The following DRICH1 variants were observed in gnomAD, a reference collection of about 807,000 sequenced individuals.
DRICH1 encodes aspartate-rich protein 1.
Under a neutral mutation model 39.5 loss-of-function variants are expected in DRICH1, and 38 were observed. The observed-to-expected ratio is 0.96, with a 90% CI of 0.74 to 1.26. The LOEUF (loss-of-function observed/expected upper bound fraction) is 1.26, where lower values mean the gene tolerates loss of function less well. DRICH1 is among the 50% of genes most tolerant of loss of function. The probability of loss-of-function intolerance (pLI) is 0.00; values close to 1 mark genes in which losing one functional copy is unlikely to be tolerated. For missense variants in DRICH1, 279 were observed against 270.4 expected, an observed-to-expected ratio of 1.03 and a Z score of -0.22; for synonymous variants, 84 against 99.5, an observed-to-expected ratio of 0.84 and a Z score of 0.93.
At chr22:23,585,356 C>G in the DRICH1 span, among the ~76,000 whole-genome samples, 1 of 152,044 alleles carries the variant, frequency 6.6e-6, no homozygotes, top group Non-Finnish European at 1.5e-5. Flanking sequence ...TCAGGCTGGT[C>G]TCAAGCTCCT....
chr22:23,616,613 G>GT (rs1459490576), intron 8 of DRICH1, among the ~76,000 whole-genome samples: 1 of 152,166 alleles, frequency 6.6e-6, no homozygotes, highest in African/African-American at 2.4e-5. Context: ...GGATAAGTCA[G>GT]TGAGAGGTGC....
chr22:23,594,233 T>C, the DRICH1 span, among the ~76,000 whole-genome samples: 1 of 151,952 alleles, frequency 6.6e-6, no homozygotes, highest in Non-Finnish European at 1.5e-5. Context: ...ATCATCAAAC[T>C]GGCAAGTGAC....
the DRICH1 span, among the ~76,000 whole-genome samples, chr22:23,603,137 T>C: frequency 6.6e-6 from 1 of 151,664 alleles, no homozygotes; most frequent in Admixed American, 6.6e-5. Context: ...TCCCACACAT[T>C]AAGAATTTTT....
At chr22:23,598,865 T>C in the DRICH1 span, among the ~76,000 whole-genome samples, 3 of 152,212 alleles carry the variant, frequency 2.0e-5, no homozygotes, top group Admixed American at 6.5e-5. Context: ...CGATGTGAGC[T>C]TGGGCAGGCC....
At chr22:23,590,964 T>C in the DRICH1 span, among the ~76,000 whole-genome samples, 1 of 152,150 alleles carries the variant, frequency 6.6e-6, no homozygotes, top group Admixed American at 6.5e-5. Context: ...TGCGCTTTTG[T>C]TCCATATCTG....
the DRICH1 span, among the ~76,000 whole-genome samples, chr22:23,589,190 C>T: frequency 1.3e-5 from 2 of 151,912 alleles, no homozygotes; most frequent in Admixed American, 1.3e-4. Flanking sequence ...GTGGCTCATG[C>T]CTATAATCCC....
intron 4 of DRICH1, among the ~76,000 whole-genome samples, chr22:23,621,057 T>A (rs1927697438): frequency 6.6e-6 from 1 of 152,130 alleles, no homozygotes; most frequent in Admixed American, 6.5e-5. Context: ...TATACCAAGA[T>A]TAATTGAGAA....
the DRICH1 span, among the ~76,000 whole-genome samples, chr22:23,597,235 A>G: frequency 6.8e-6 from 1 of 147,828 alleles, no homozygotes; most frequent in South Asian, 2.2e-4. Context: ...GCTTACATCT[A>G]TAATTCCAGA....
chr22:23,618,757 T>C (rs1927529075), intron 6 of DRICH1, among the ~76,000 whole-genome samples: 1 of 152,184 alleles, frequency 6.6e-6, no homozygotes, highest in Non-Finnish European at 1.5e-5. Flanking sequence ...TGTATATCAA[T>C]AGAAATGAAC....
At chr22:23,625,905 G>T in intron 2 of DRICH1, 76 bp downstream of exon 2, 2 of 1,167,978 alleles carry the variant, frequency 1.7e-6, no homozygotes, top group South Asian at 2.5e-5. Flanking sequence ...TCCATTCTTT[G>T]GGTTTAGATG....
the DRICH1 span, among the ~76,000 whole-genome samples, chr22:23,602,770 T>A: frequency 2.6e-5 from 4 of 152,164 alleles, no homozygotes; most frequent in African/African-American, 4.8e-5. Context: ...AATGATTTTT[T>A]AAAAATTATA....
chr22:23,605,536 G>A (rs979401375), downstream of DRICH1, among the ~76,000 whole-genome samples: 9 of 152,026 alleles, frequency 5.9e-5, no homozygotes, highest in Non-Finnish European at 1.2e-4. Context: ...GGAGGAGGAG[G>A]GGGAGAGGAA....
At chr22:23,625,912 G>C in intron 2 of DRICH1, 69 bp downstream of exon 2, 1 of 1,268,264 alleles carries the variant, frequency 7.9e-7, no homozygotes, top group South Asian at 1.2e-5. Flanking sequence ...TTTGGGTTTA[G>C]ATGGGTGAAT....
At chr22:23,613,757 G>A (rs1602333476) in intron 9 of DRICH1, 97 bp from the exon 10 acceptor site, 3 of 912,856 alleles carry the variant, frequency 3.3e-6, no homozygotes, top group East Asian at 5.1e-5. Context: ...AAACCAGAAG[G>A]CAGTATAGTG....
chr22:23,624,755 T>C (rs1017293016), intron 3 of DRICH1, 128 bp downstream of exon 3: 1 of 1,158,536 alleles, frequency 8.6e-7, no homozygotes, highest in African/African-American at 1.5e-5. Context: ...CTCATAATTA[T>C]ACACTCGCAG....
At chr22:23,582,578 T>TATTATTATTA in the DRICH1 span, among the ~76,000 whole-genome samples, 2 of 151,072 alleles carry the variant, frequency 1.3e-5, no homozygotes, top group Non-Finnish European at 2.9e-5. Context: ...TTATTATTAT[T>TATTATTATTA]ATTTTGAGAT....
downstream of DRICH1, among the ~76,000 whole-genome samples, chr22:23,607,486 G>A (rs866997775): frequency 6.0e-5 from 9 of 148,948 alleles, no homozygotes; most frequent in Non-Finnish European, 1.2e-4. Flanking sequence ...GCCAGTCACC[G>A]ACCCCCAGAG....
chr22:23,615,393 T>C (rs1184229268), intron 8 of DRICH1, among the ~76,000 whole-genome samples: 4 of 152,224 alleles, frequency 2.6e-5, no homozygotes, highest in African/African-American at 4.8e-5. Flanking sequence ...TACATATATA[T>C]TTATTTGATA....
chr22:23,622,490 C>T (rs1927808128), intron 3 of DRICH1, among the ~76,000 whole-genome samples: 1 of 152,136 alleles, frequency 6.6e-6, no homozygotes, highest in Non-Finnish European at 1.5e-5. Flanking sequence ...TGAAACTCTT[C>T]AAAACCAACA....
Sources: allele counts gnomAD v4.1 joint callset (sites outside exome capture counted in the v4.1 genomes callset), GRCh38; gene constraint gnomAD v4.1.1; transcripts MANE v1.5; gene names NCBI Gene and HGNC (gene_info 2026-07-23, HGNC 2026-07-21).